AKAP13: variants seen among roughly 807,000 people sequenced by gnomAD.
AKAP13 encodes A-kinase anchor protein 13.
In AKAP13, 80 loss-of-function variants were observed where a neutral mutation model predicts 264.5. That is an observed-to-expected ratio of 0.30 (90% CI 0.25 to 0.36). The LOEUF is 0.36. Among genes scored for constraint, AKAP13 ranks in the 10% least tolerant of loss-of-function variants. AKAP13 has a pLI of 1.00. For missense variants in AKAP13, 3,712 were observed against 3,435.2 expected (o/e 1.08, Z -2.01); for synonymous variants, 1,380 against 1,250.2 (o/e 1.10, Z -2.19).
intron 17 of AKAP13, among the ~76,000 whole-genome samples, chr15:85,703,940 T>G (rs1425430039): frequency 6.6e-6 from 1 of 151,976 alleles, no homozygotes; most frequent in East Asian, 1.9e-4. Context: ...AAACAAGAAG[T>G]TTAAAGTTGC....
chr15:85,529,389 C>A (rs773815578), intron 3 of AKAP13, among the ~76,000 whole-genome samples: 1 of 152,110 alleles, frequency 6.6e-6, no homozygotes, highest in Non-Finnish European at 1.5e-5. Flanking sequence ...CCACTGCACT[C>A]CAGCCTGGGA....
chr15:85,651,009 G>T (rs1277453845), intron 10 of AKAP13, among the ~76,000 whole-genome samples: 2 of 151,904 alleles, frequency 1.3e-5, no homozygotes, highest in Admixed American at 6.6e-5. Context: ...AATAATAAAT[G>T]TTTGGGAATA....
chr15:85,614,698 A>G (rs889158717), intron 8 of AKAP13, among the ~76,000 whole-genome samples: 2 of 152,236 alleles, frequency 1.3e-5, no homozygotes, highest in Admixed American at 1.3e-4. Context: ...AATTAGATGT[A>G]GTGGAAAGAC....
chr15:85,439,500 G>A (rs2073513850), intron 1 of AKAP13, among the ~76,000 whole-genome samples: 1 of 151,516 alleles, frequency 6.6e-6, no homozygotes, highest in African/African-American at 2.4e-5. Flanking sequence ...AAATCATGCT[G>A]CTGTAAAGAC....
At chr15:85,655,124 G>A (rs748988350) in intron 10 of AKAP13, among the ~76,000 whole-genome samples, 2 of 151,996 alleles carry the variant, frequency 1.3e-5, no homozygotes, top group Non-Finnish European at 2.9e-5. Context: ...TCCAGGAGGC[G>A]GAGGTTGTGG....
intron 8 of AKAP13, among the ~76,000 whole-genome samples, chr15:85,605,440 G>A (rs1443155832): frequency 6.6e-6 from 1 of 152,168 alleles, no homozygotes; most frequent in Admixed American, 6.5e-5. Context: ...TGTGGATGCA[G>A]GGAGGGAAAC....
chr15:85,612,528 A>G (rs2080691362), intron 8 of AKAP13, among the ~76,000 whole-genome samples: 1 of 152,194 alleles, frequency 6.6e-6, no homozygotes. Context: ...TATAGTTATC[A>G]TGTTTAAGTA....
At chr15:85,483,651 A>AAAAAAAAAAAC (rs2075426872) in intron 1 of AKAP13, among the ~76,000 whole-genome samples, 5 of 143,932 alleles carry the variant, frequency 3.5e-5, no homozygotes, top group African/African-American at 7.6e-5. Flanking sequence ...AAAAAAAAAA[A>AAAAAAAAAAAC]CACCAAAAAA....
Position 85,609,213 on chromosome 15 carries a change from AC to A in AKAP13, c.4161+23391del, listed in dbSNP as rs567041745. On this transcript the variant is annotated intron_variant, in intron 8 of 36. Transcript: ENST00000394518. ...TCACCCTTCGGTGTGATGGAATACT[AC>A]ATTTGTTCCTCTTATGACTCTTTAC... is the stretch of plus-strand genomic sequence containing the variant. 2.3e-4 allele frequency among the ~76,000 whole-genome samples: 35 copies of A among 152,284 alleles called. No homozygotes were observed. In the South Asian group the frequency reaches 2.5e-3, roughly 11 times the overall value.
intron 8 of AKAP13, among the ~76,000 whole-genome samples, chr15:85,623,335 A>T (rs2081276327): frequency 6.6e-6 from 1 of 152,238 alleles, no homozygotes; most frequent in African/African-American, 2.4e-5. Context: ...TGTTTAACAG[A>T]TGAGGTGAAA....
intron 5 of AKAP13, among the ~76,000 whole-genome samples, chr15:85,548,957 G>A (rs1284855561): frequency 2.0e-5 from 3 of 150,734 alleles, no homozygotes; most frequent in African/African-American, 7.3e-5. Flanking sequence ...GTCTTCAATG[G>A]GTTGCTTTGA....
At chr15:85,500,901 C>T (rs993932544) in intron 2 of AKAP13, among the ~76,000 whole-genome samples, 1 of 152,128 alleles carries the variant, frequency 6.6e-6, no homozygotes, top group Non-Finnish European at 1.5e-5. Flanking sequence ...GAGCATCTGG[C>T]GGCTGGGGTG....
At chr15:85,397,683 T>C (rs1217736771) in intron 1 of AKAP13, among the ~76,000 whole-genome samples, 2 of 152,186 alleles carry the variant, frequency 1.3e-5, no homozygotes, top group Non-Finnish European at 2.9e-5. Context: ...GAAAAGGAAA[T>C]TGAAGCTCAG....
intron 2 of AKAP13, among the ~76,000 whole-genome samples, chr15:85,508,116 T>C (rs757627326): frequency 5.3e-5 from 8 of 152,012 alleles, no homozygotes; most frequent in Non-Finnish European, 1.2e-4. Flanking sequence ...TGATGGAGCC[T>C]CTCTTTTCCT....
At chr15:85,709,659 A>T (rs2086516327) in intron 18 of AKAP13, among the ~76,000 whole-genome samples, 1 of 137,762 alleles carries the variant, frequency 7.3e-6, no homozygotes. Context: ...TAAAAGGGGG[A>T]ATTTTATTTT....
At chr15:85,545,668 A>G (rs2077710266) in intron 5 of AKAP13, among the ~76,000 whole-genome samples, 1 of 152,166 alleles carries the variant, frequency 6.6e-6, no homozygotes, top group Non-Finnish European at 1.5e-5. Flanking sequence ...GAAGCTTAGA[A>G]AAAGTTCTGA....
Position 85,718,375 on chromosome 15 carries a change from TA to T in AKAP13, c.6001+217del, listed in dbSNP as rs1024694775. Among the ~76,000 whole-genome samples, 3 of 152,172 alleles carry T rather than the reference TA, an allele frequency of 2.0e-5. No individual in the cohort carries two copies. Among genetic ancestry groups the T allele is most frequent in the African/African-American group, 7.2e-5 (3 of 41,444 alleles). On this transcript the variant is annotated intron_variant, in intron 22 of 36. Transcript: ENST00000394518. The surrounding 1 kb of genome is among the most constrained non-coding windows in gnomAD (Gnocchi z 4.9). ...TTTCAGTTCTACTGAACATTGTACT[TA>T]TATGTGAGTACTTATTTATACAGCA...
In AKAP13 at chr15:85,664,639, A is replaced by G. The variant is rs1478669432; in HGVS notation, c.4876A>G (p.Asn1626Asp). ...PSSSLEVSSA[N>D]AEELRHPFSG... ...CTCATCTCTAGAAGTAAGCTCTGCA[A>G]ATGCCGAAGAGCTCAGACACCCATT... Residue 1626 changes from asparagine (N) to aspartate (D), a missense_variant, in exon 13 of 37, where the codon AAT (asparagine) becomes GAT (aspartate). Around this residue, in one of 3 missense-constraint regions of AKAP13, gnomAD observed 2,759 missense variants for 2,411.7 expected, o/e 1.14. Transcript: ENST00000394518. The G allele has an allele frequency of 1.2e-6, 2 of 1,614,110 alleles. No homozygotes were observed. Among genetic ancestry groups the G allele is most frequent in the African/African-American group, 1.3e-5 (1 of 75,044 alleles).
intron 8 of AKAP13, 65 bp from the exon 9 acceptor site, chr15:85,639,309 G>T: frequency 9.2e-7 from 1 of 1,089,502 alleles, no homozygotes; most frequent in Non-Finnish European, 1.4e-6. Context: ...ACATAATTTT[G>T]GCACCTGTAA....
Sources: gnomAD v4.1 joint callset for allele counts (sites outside exome capture counted in the v4.1 genomes callset) on GRCh38, gnomAD v4.1.1 for gene constraint, gnomAD v4.1.1 regional missense constraint, Gnocchi (gnomAD v3.1) non-coding constraint, MANE v1.5 for transcripts, NCBI Gene and HGNC (gene_info 2026-07-23, HGNC 2026-07-21) for gene names.